RSRC1: variants seen among roughly 807,000 people sequenced by gnomAD.
RSRC1 encodes the protein arginine and serine rich coiled-coil 1, also known as serine/Arginine-related protein 53.
RSRC1 carries 39 observed loss-of-function variants against 49.1 expected under a neutral mutation model. That is an observed-to-expected ratio of 0.79 (90% CI 0.61 to 1.04). The LOEUF is 1.04. Ranked by LOEUF, RSRC1 falls within the 50% of genes least tolerant of loss-of-function variation. The pLI, the probability that RSRC1 is intolerant of heterozygous loss-of-function variation, is 0.00. For synonymous variants in RSRC1, 143 were observed against 130.8 expected, an observed-to-expected ratio of 1.09 and a Z score of -0.63; for missense variants, 388 against 402.4, an observed-to-expected ratio of 0.96 and a Z score of 0.31.
At chr3:158,205,694 A>C (rs1721308111) in intron 4 of RSRC1, among the ~76,000 whole-genome samples, 2 of 152,120 alleles carry the variant, frequency 1.3e-5, no homozygotes, top group Admixed American at 6.6e-5. Context: ...AAATTAAACC[A>C]AGGGTCAGCA....
At chr3:158,492,422 A>C (rs762904297) in intron 7 of RSRC1, among the ~76,000 whole-genome samples, 5 of 152,240 alleles carry the variant, frequency 3.3e-5, no homozygotes, top group Non-Finnish European at 7.3e-5. Flanking sequence ...AAGATTAGAC[A>C]ATTTTGAACA....
At chr3:158,427,883 A>C (rs112320795) in intron 6 of RSRC1, among the ~76,000 whole-genome samples, 1 of 151,858 alleles carries the variant, frequency 6.6e-6, no homozygotes, top group Non-Finnish European at 1.5e-5. Flanking sequence ...GCTTTTTTCT[A>C]TTAAAATAAT....
At chr3:158,326,029 T>C (rs145300918) in intron 5 of RSRC1, among the ~76,000 whole-genome samples, 3,744 of 152,238 alleles carry the variant, frequency 0.025, 157 homozygotes, top group African/African-American at 0.086. Context: ...GGCTCTCTGT[T>C]TGTCTGTTAT....
At chr3:158,394,552 G>T (rs1483401277) in intron 6 of RSRC1, among the ~76,000 whole-genome samples, 1 of 151,942 alleles carries the variant, frequency 6.6e-6, no homozygotes, top group Non-Finnish European at 1.5e-5. Flanking sequence ...CAACATTCCA[G>T]CTGAGAGCCA....
chr3:158,335,518 G>C (rs1284246196), intron 5 of RSRC1, among the ~76,000 whole-genome samples: 1 of 152,200 alleles, frequency 6.6e-6, no homozygotes, highest in South Asian at 2.1e-4. Context: ...TGGAAGCAGC[G>C]GAGGGTCATT....
At chr3:158,442,159 A>C (rs147819787) in intron 6 of RSRC1, among the ~76,000 whole-genome samples, 1,716 of 152,158 alleles carry the variant, frequency 0.011, 13 homozygotes, top group Non-Finnish European at 0.018. Context: ...CTGCCCATTG[A>C]TGAGGGTGGC....
At chr3:158,502,112 T>G (rs764075416) in intron 7 of RSRC1, among the ~76,000 whole-genome samples, 9 of 152,216 alleles carry the variant, frequency 5.9e-5, no homozygotes, top group Non-Finnish European at 1.3e-4. Context: ...TATCTTTCCT[T>G]CATATATGAG....
intron 7 of RSRC1, among the ~76,000 whole-genome samples, chr3:158,481,800 CA>C (rs1738623261): frequency 6.6e-6 from 1 of 151,916 alleles, no homozygotes; most frequent in South Asian, 2.1e-4. Context: ...ACTCTTATTC[CA>C]TTTTCTATTT....
At chr3:158,385,526 A>G (rs1233436292) in intron 6 of RSRC1, among the ~76,000 whole-genome samples, 1 of 152,168 alleles carries the variant, frequency 6.6e-6, no homozygotes, top group Non-Finnish European at 1.5e-5. Context: ...TGGTTTCATT[A>G]TAAATCATAT....
chr3:158,396,658 G>C (rs950631743), intron 6 of RSRC1, among the ~76,000 whole-genome samples: 1 of 152,096 alleles, frequency 6.6e-6, no homozygotes, highest in Non-Finnish European at 1.5e-5. Context: ...ATGGCAAACT[G>C]TAGTGCCGTG....
At chr3:158,333,018 G>T (rs1322884655) in intron 5 of RSRC1, among the ~76,000 whole-genome samples, 1 of 151,116 alleles carries the variant, frequency 6.6e-6, no homozygotes, top group Non-Finnish European at 1.5e-5. Context: ...GCCCAGGCCG[G>T]ACTGCAGTGG....
At chr3:158,342,583 G>A (rs1177045982) in intron 5 of RSRC1, among the ~76,000 whole-genome samples, 1 of 152,000 alleles carries the variant, frequency 6.6e-6, no homozygotes, top group Non-Finnish European at 1.5e-5. Flanking sequence ...CTTATCAGCT[G>A]CATGAAAACA....
chr3:158,535,732 T>C (rs1560078918), intron 7 of RSRC1, among the ~76,000 whole-genome samples: 1 of 151,310 alleles, frequency 6.6e-6, no homozygotes, highest in Non-Finnish European at 1.5e-5. Flanking sequence ...AATGAAGCAA[T>C]TGAAGCATCA....
In RSRC1 at chr3:158,487,949, G is replaced by GGAAAAAAAAAAAAAAAAAAAA. The variant is rs1553814781; in HGVS notation, c.652+26946_652+26947insGAAAAAAAAAAAAAAAAAAAA. Among the ~76,000 whole-genome samples the GGAAAAAAAAAAAAAAAAAAAA allele has an allele frequency of 6.9e-4, 20 of 28,922 alleles. 7 individuals carry two copies. The highest frequency in any genetic ancestry group is 8.5e-4 in the Non-Finnish European group (14 of 16,530). The allele number at this position is 28,922 out of a possible 152,430, so 19.0% of individuals were successfully genotyped here. ...TAGGAGACAAGAGACTCCATCTCAAGAAAAAAAAAAAAAAAAAAAAAAAAA... is the reference window on the plus strand; with the variant it reads ...TAGGAGACAAGAGACTCCATCTCAAGGAAAAAAAAAAAAAAAAAAAAAAAAAAAAAAAAAAAAAAAAAAAAA... On this transcript the variant is annotated intron_variant, in intron 7 of 9. Transcript: ENST00000611884.
At chr3:158,129,204 A>G (rs1715827984) in intron 3 of RSRC1, among the ~76,000 whole-genome samples, 1 of 151,652 alleles carries the variant, frequency 6.6e-6, no homozygotes, top group African/African-American at 2.4e-5. Context: ...TGATGATTCA[A>G]ATTAATTTTT....
At position 158,503,098 on chromosome 3, in the gene RSRC1, C is replaced by T. The variant is rs116548086; in HGVS notation, c.653-33994C>T. 9.9e-3 allele frequency among the ~76,000 whole-genome samples: 1,500 copies of T among 152,236 alleles called. 14 individuals carry two copies. Among genetic ancestry groups the T allele is most frequent in the African/African-American group, 0.034 (1,429 of 41,514 alleles). On this transcript the variant is annotated intron_variant, in intron 7 of 9. Coordinates refer to ENST00000611884, the MANE Select transcript of RSRC1 (RefSeq NM_001271838.2). ...GGGGTGTTCCTAGATGTAGTACTCT[C>T]CCCCTTTTTCTATGGACGTGGCTTC...
chr3:158,398,892 G>C lies in RSRC1; in HGVS notation c.583+43984G>C, dbSNP rs116505906. Among the ~76,000 whole-genome samples, 66 of 152,060 alleles carry C rather than the reference G, an allele frequency of 4.3e-4. 1 individual carries two copies. Among genetic ancestry groups the C allele is most frequent in the African/African-American group, 1.6e-3 (65 of 41,506 alleles). On this transcript the variant is annotated intron_variant, in intron 6 of 9. Coordinates refer to ENST00000611884, the MANE Select transcript of RSRC1 (RefSeq NM_001271838.2). ...AGAAGGAGTCTGTGGTATATTGTTG[G>C]TTGAAAATTCTAATTTTCAGGTTAG...
chr3:158,325,918 G>A (rs1400349858), intron 5 of RSRC1, among the ~76,000 whole-genome samples: 1 of 152,110 alleles, frequency 6.6e-6, no homozygotes, highest in African/African-American at 2.4e-5. Context: ...GCAGTGGATT[G>A]TAGTTCTCCT....
chr3:158,142,100 A>AAAAG (rs970350155), intron 3 of RSRC1, among the ~76,000 whole-genome samples: 33 of 152,210 alleles, frequency 2.2e-4, no homozygotes, highest in East Asian at 5.8e-4. Context: ...TCCGTCTCAA[A>AAAAG]AAAGAAAGAA....
Sources: allele counts gnomAD v4.1 joint callset (sites outside exome capture counted in the v4.1 genomes callset), GRCh38; gene constraint gnomAD v4.1.1; transcripts MANE v1.5; gene names NCBI Gene and HGNC (gene_info 2026-07-23, HGNC 2026-07-21).